Variants in MCTP1 observed in about 807,000 individuals in gnomAD.
MCTP1 encodes multiple C2 and transmembrane domain-containing protein 1.
Under a neutral mutation model 120.6 loss-of-function variants are expected in MCTP1, and 69 were observed. The observed-to-expected ratio is 0.57, with a 90% CI of 0.47 to 0.70. MCTP1 has a LOEUF of 0.70. Among genes scored for constraint, MCTP1 ranks in the 30% least tolerant of loss-of-function variants. The pLI is 0.00. For missense variants in MCTP1, 1,203 were observed against 1,248.8 expected (o/e 0.96, Z 0.55); for synonymous variants, 529 against 493.1 (o/e 1.07, Z -0.96).
intron 1 of MCTP1, among the ~76,000 whole-genome samples, chr5:95,096,846 C>T (rs1048482191): frequency 2.6e-5 from 4 of 152,146 alleles, no homozygotes; most frequent in Non-Finnish European, 5.9e-5. Context: ...TTCAAAATAG[C>T]TCCCAAGCCA....
At chr5:94,928,397 A>G (rs1368219175) in intron 6 of MCTP1, among the ~76,000 whole-genome samples, 1 of 152,190 alleles carries the variant, frequency 6.6e-6, no homozygotes, top group Non-Finnish European at 1.5e-5. Flanking sequence ...GAATAATTTA[A>G]CCTTAGAATA....
In MCTP1 at chr5:94,707,226, C is replaced by CTTATATTTGTTCTTTCAGTGTGTTAT; in HGVS notation, c.*244_*269dup. ...GAATATATCTTCCAGTGTTATCATT[C>CTTATATTTGTTCTTTCAGTGTGTTAT]TTATATTTGTTCTTTCAGTGTGTTA... On this transcript the variant is annotated 3_prime_UTR_variant, in exon 23 of 23. Transcript: ENST00000515393. 1 of 317,044 alleles carries CTTATATTTGTTCTTTCAGTGTGTTAT rather than the reference C, an allele frequency of 3.2e-6. No individual in the cohort carries two copies. Among genetic ancestry groups the CTTATATTTGTTCTTTCAGTGTGTTAT allele is most frequent in the South Asian group, 6.6e-5 (1 of 15,212 alleles). The allele number at this position is 317,044 out of a possible 1,614,324, so 19.6% of individuals were successfully genotyped here.
intron 1 of MCTP1, among the ~76,000 whole-genome samples, chr5:95,181,767 C>T (rs1037910401): frequency 6.6e-6 from 1 of 152,172 alleles, no homozygotes; most frequent in Admixed American, 6.6e-5. Flanking sequence ...CAAAATTTGC[C>T]ACCAGCCCTT....
intron 1 of MCTP1, among the ~76,000 whole-genome samples, chr5:95,216,968 T>A (rs1303461806): frequency 1.3e-5 from 2 of 152,212 alleles, no homozygotes; most frequent in African/African-American, 4.8e-5. Flanking sequence ...GTTTTTCACT[T>A]GGCATTTTTA....
At chr5:95,160,831 GC>G (rs1745645607) in intron 1 of MCTP1, among the ~76,000 whole-genome samples, 1 of 152,002 alleles carries the variant, frequency 6.6e-6, no homozygotes, top group South Asian at 2.1e-4. Context: ...ACATACAATA[GC>G]CAACAGTTAT....
chr5:95,230,517 T>C (rs778874315), intron 1 of MCTP1, among the ~76,000 whole-genome samples: 5 of 151,858 alleles, frequency 3.3e-5, no homozygotes, highest in Admixed American at 1.3e-4. Flanking sequence ...TGTGGGAGGG[T>C]TGGAAGGAAT....
chr5:95,150,430 A>G lies in MCTP1; in HGVS notation c.721-132946T>C, dbSNP rs116231804. ...GAAAAAGATAGTTAAATTTTATAGT[A>G]TGGTATCCTAAGTAAGAGTCAATGA... On this transcript the variant is annotated intron_variant, in intron 1 of 22. Transcript: ENST00000515393. Among the ~76,000 whole-genome samples, 1,298 of 152,316 alleles carry G rather than the reference A, an allele frequency of 8.5e-3. 24 individuals carry two copies. Among genetic ancestry groups the G allele is most frequent in the African/African-American group, 0.028 (1,179 of 41,562 alleles).
intron 1 of MCTP1, among the ~76,000 whole-genome samples, chr5:95,097,247 G>GA (rs577682134): frequency 9.4e-4 from 143 of 152,156 alleles, no homozygotes; most frequent in Non-Finnish European, 1.6e-3. Flanking sequence ...AAAATACTAT[G>GA]AAAAAAATAA....
chr5:95,154,393 A>G (rs1224570752), intron 1 of MCTP1: 2 of 151,718 alleles, frequency 1.3e-5, no homozygotes, highest in Non-Finnish European at 2.9e-5. Context: ...ACATATTTCT[A>G]CTATATGTTA....
chr5:94,837,258 G>A (rs2153187130), intron 17 of MCTP1, among the ~76,000 whole-genome samples: 1 of 152,252 alleles, frequency 6.6e-6, no homozygotes, highest in Non-Finnish European at 1.5e-5. Flanking sequence ...GTGCACACCT[G>A]TAGTCCCAGC....
rs111763121 is a variant in MCTP1, at chr5:95,192,097, C to T, written c.720+91759G>A. ...AATTTTCTTTATCATCCATACCCTG[C>T]TGCTACCTAAAATTGCATGCACAGA... On this transcript the variant is annotated intron_variant, in intron 1 of 22. Transcript: ENST00000515393. Among the ~76,000 whole-genome samples the T allele has an allele frequency of 7.3e-3, 1,105 of 152,030 alleles. 9 individuals are homozygous for T. Among genetic ancestry groups the T allele is most frequent in the African/African-American group, 0.026 (1,073 of 41,518 alleles).
chr5:95,130,262 A>T (rs1039606047), intron 1 of MCTP1, among the ~76,000 whole-genome samples: 2 of 152,188 alleles, frequency 1.3e-5, no homozygotes, highest in Non-Finnish European at 2.9e-5. Context: ...TGATTAATAC[A>T]GTAAGAAAAA....
At chr5:95,113,971 A>G (rs1287119151) in intron 1 of MCTP1, among the ~76,000 whole-genome samples, 2 of 152,190 alleles carry the variant, frequency 1.3e-5, no homozygotes, top group Non-Finnish European at 2.9e-5. Context: ...ATAGGGTACC[A>G]GTGAGAGTTG....
chr5:94,859,098 G>C (rs1276304021), intron 17 of MCTP1, among the ~76,000 whole-genome samples: 1 of 151,618 alleles, frequency 6.6e-6, no homozygotes, highest in Non-Finnish European at 1.5e-5. Flanking sequence ...CTACATATCA[G>C]CCAAGATTTA....
intron 3 of MCTP1, among the ~76,000 whole-genome samples, chr5:94,947,595 G>T (rs1226920255): frequency 0.017 from 1,397 of 80,378 alleles, 38 homozygotes; most frequent in East Asian, 0.037. Flanking sequence ...GAGAGAGAGA[G>T]AGAGAGAGAG....
chr5:94,833,317 CT>C (rs1236202231), intron 17 of MCTP1, among the ~76,000 whole-genome samples: 1 of 152,132 alleles, frequency 6.6e-6, no homozygotes, highest in Admixed American at 6.5e-5. Context: ...ACCTCATCAA[CT>C]AATCACACTG....
chr5:94,744,996 A>AC (rs982169015), intron 19 of MCTP1, among the ~76,000 whole-genome samples: 7 of 152,204 alleles, frequency 4.6e-5, no homozygotes, highest in Admixed American at 4.6e-4. Context: ...TTGTCAGATA[A>AC]CCATTGCTTT....
chr5:94,826,115 C>T, intron 17 of MCTP1: 1 of 348,828 alleles, frequency 2.9e-6, no homozygotes, highest in South Asian at 3.1e-5. Context: ...TCCAACAGTA[C>T]AGATCTCATG....
rs185897553 is a variant in MCTP1 at position 95,004,006 on chromosome 5, C to T, written c.838+13361G>A. 1.3e-4 allele frequency among the ~76,000 whole-genome samples: 20 copies of T among 152,260 alleles called. 1 individual carries two copies. The highest frequency in any genetic ancestry group is 4.6e-4 in the African/African-American group (19 of 41,550). On this transcript the variant is annotated intron_variant, in intron 2 of 22. Coordinates refer to ENST00000515393, the MANE Select transcript of MCTP1 (RefSeq NM_024717.7). ...AGACATGTAAAATTGTGACCAAATG[C>T]TGATAGTGACAAGAACAGTGAAGTC...
Sources: gnomAD v4.1 joint callset for allele counts (sites outside exome capture counted in the v4.1 genomes callset) on GRCh38, gnomAD v4.1.1 for gene constraint, MANE v1.5 for transcripts, NCBI Gene and HGNC (gene_info 2026-07-23, HGNC 2026-07-21) for gene names.